PDE4D: variants seen among roughly 807,000 people sequenced by gnomAD.
The protein encoded by PDE4D is 3',5'-cyclic-AMP phosphodiesterase 4D.
PDE4D carries 24 observed loss-of-function variants against 87.4 expected under a neutral mutation model. That is an observed-to-expected ratio of 0.27 (90% CI 0.20 to 0.39). PDE4D has a LOEUF of 0.39. PDE4D is among the 10% of genes least tolerant of loss of function. The pLI is 1.00. For synonymous variants in PDE4D, 384 were observed against 383.2 expected, an observed-to-expected ratio of 1.00 and a Z score of -0.02; for missense variants, 714 against 1,041.0, an observed-to-expected ratio of 0.69 and a Z score of 4.32.
intron 1 of PDE4D, among the ~76,000 whole-genome samples, chr5:59,574,237 TAA>T (rs1822742800): frequency 6.9e-6 from 1 of 144,126 alleles, no homozygotes; most frequent in South Asian, 2.1e-4. Flanking sequence ...TTTGTAAAGG[TAA>T]TATATATATA....
intron 1 of PDE4D, among the ~76,000 whole-genome samples, chr5:59,282,625 A>C (rs1015638591): frequency 3.5e-4 from 51 of 147,152 alleles, no homozygotes; most frequent in African/African-American, 1.3e-3. Flanking sequence ...CCTGGGCGAC[A>C]AGAGTGAAAC....
intron 1 of PDE4D, among the ~76,000 whole-genome samples, chr5:60,225,617 C>T (rs1000346391): frequency 6.6e-6 from 1 of 152,078 alleles, no homozygotes; most frequent in African/African-American, 2.4e-5. Flanking sequence ...CTGAATTGCT[C>T]AACCTGCAAA....
At chr5:60,001,028 T>C (rs1368264041) in intron 2 of PDE4D, among the ~76,000 whole-genome samples, 1 of 152,148 alleles carries the variant, frequency 6.6e-6, no homozygotes, top group Non-Finnish European at 1.5e-5. Context: ...TCCCCAGAGA[T>C]GTATGCCCAT....
intron 1 of PDE4D, among the ~76,000 whole-genome samples, chr5:59,249,422 A>C (rs1454611321): frequency 1.3e-5 from 2 of 152,168 alleles, no homozygotes; most frequent in African/African-American, 4.8e-5. Context: ...TAATAGTCTT[A>C]AAATAGTCAT....
chr5:60,098,770 T>A (rs912118027), intron 2 of PDE4D, among the ~76,000 whole-genome samples: 5 of 152,076 alleles, frequency 3.3e-5, no homozygotes, highest in Non-Finnish European at 7.4e-5. Flanking sequence ...TTCCATTTCT[T>A]GCCTAGTGGC....
chr5:59,027,664 A>T (rs541197931), intron 6 of PDE4D, among the ~76,000 whole-genome samples: 1 of 151,510 alleles, frequency 6.6e-6, no homozygotes, highest in Non-Finnish European at 1.5e-5. Flanking sequence ...TGCTCTTGCA[A>T]CTCTTCAGTA....
At chr5:59,758,167 G>A (rs1761516577) in intron 1 of PDE4D, among the ~76,000 whole-genome samples, 1 of 152,170 alleles carries the variant, frequency 6.6e-6, no homozygotes, top group African/African-American at 2.4e-5. Flanking sequence ...AATGCTATTG[G>A]TTTCATAGCT....
chr5:59,318,570 G>C (rs933962398), intron 1 of PDE4D, among the ~76,000 whole-genome samples: 1 of 149,774 alleles, frequency 6.7e-6, no homozygotes, highest in African/African-American at 2.5e-5. Flanking sequence ...TTAAAAAAAG[G>C]GTTCTGAAAG....
intron 2 of PDE4D, among the ~76,000 whole-genome samples, chr5:60,046,349 A>G (rs1402039836): frequency 6.6e-6 from 1 of 152,074 alleles, no homozygotes; most frequent in African/African-American, 2.4e-5. Context: ...CTAATTGAAT[A>G]CCCTTTATTT....
chr5:59,746,816 CAT>C (rs1759678054), intron 1 of PDE4D, among the ~76,000 whole-genome samples: 1 of 152,064 alleles, frequency 6.6e-6, no homozygotes, highest in Admixed American at 6.6e-5. Context: ...TTTCCTTCCA[CAT>C]GTTTGTACCT....
At chr5:59,642,995 A>G (rs977575018) in intron 1 of PDE4D, among the ~76,000 whole-genome samples, 1 of 152,322 alleles carries the variant, frequency 6.6e-6, no homozygotes, top group Middle Eastern at 3.4e-3. Context: ...AAAGTAAATA[A>G]AGTCACTATA....
At chr5:60,423,607 C>G (rs888795174) in intron 1 of PDE4D, among the ~76,000 whole-genome samples, 30 of 151,844 alleles carry the variant, frequency 2.0e-4, no homozygotes, top group African/African-American at 7.2e-4. Context: ...GATCTAAAAT[C>G]GACACCTTAA....
intron 1 of PDE4D, among the ~76,000 whole-genome samples, chr5:59,289,371 C>A (rs1302508969): frequency 6.6e-6 from 1 of 151,542 alleles, no homozygotes; most frequent in Non-Finnish European, 1.5e-5. Flanking sequence ...AAATAAAAAG[C>A]AAAAAATTAA....
rs1316810728 is a variant in PDE4D, at chr5:58,975,447, AAT to A, written c.2013+208_2013+209del. ...TAAATGAATATAGTCATAATAAATG[AAT>A]ATGTCTTTAGAATATATATATGACT... On this transcript the variant is annotated intron_variant, in intron 14 of 14. Coordinates refer to ENST00000340635, the MANE Select transcript of PDE4D (RefSeq NM_001104631.2). The surrounding 1 kb of genome is among the most constrained non-coding windows in gnomAD (Gnocchi z 4.2). Among the ~76,000 whole-genome samples, 6 of 152,234 alleles carry A rather than the reference AAT, an allele frequency of 3.9e-5. No individual in the cohort carries two copies. The highest frequency in any genetic ancestry group is 7.3e-5 in the Non-Finnish European group (5 of 68,040).
At chr5:60,053,527 T>C (rs1351767624) in intron 2 of PDE4D, among the ~76,000 whole-genome samples, 2 of 152,134 alleles carry the variant, frequency 1.3e-5, no homozygotes, top group African/African-American at 2.4e-5. Context: ...TTACAACTTA[T>C]ACAAAAATTA....
Position 58,971,525 on chromosome 5 carries a change from GAAA to G in PDE4D, c.*3136_*3138del, listed in dbSNP as rs559808475. The G allele has an allele frequency of 6.6e-6, 1 of 152,094 alleles. No individual in the cohort carries two copies. Among genetic ancestry groups the G allele is most frequent in the African/African-American group, 2.4e-5 (1 of 41,306 alleles). The allele number at this position is 152,094 out of a possible 1,614,324, so 9.4% of individuals were successfully genotyped here. A position where few individuals can be genotyped will look rare whatever the true frequency, so the allele number is the denominator to read the frequency against. Reference sequence around the variant, plus strand: ...TATTACAGGTAAGGTCATTTGGTGAGAAAAAAAATGCATGGCACAAAAAATAAA... The same window carrying G: ...TATTACAGGTAAGGTCATTTGGTGAGAAAAATGCATGGCACAAAAAATAAA... On this transcript the variant is annotated 3_prime_UTR_variant, in exon 15 of 15. Coordinates refer to ENST00000340635, the MANE Select transcript of PDE4D (RefSeq NM_001104631.2).
intron 1 of PDE4D, among the ~76,000 whole-genome samples, chr5:59,856,455 C>T (rs1745456758): frequency 6.6e-6 from 1 of 152,150 alleles, no homozygotes; most frequent in Non-Finnish European, 1.5e-5. Flanking sequence ...AAATCTCCCA[C>T]ACATCAATGG....
rs1264485369 is a variant in PDE4D at position 59,716,908 on chromosome 5, C to T, written c.455+176260G>A. Among the ~76,000 whole-genome samples the T allele has an allele frequency of 4.6e-5, 7 of 152,160 alleles. No homozygotes were observed. In the East Asian group the frequency reaches 5.8e-4, roughly 13 times the overall value. ...ACACACCAGAAACTCCAGGAAATCA[C>T]GACAGCTGTACACTCTAATTTTGGA... On this transcript the variant is annotated intron_variant, in intron 1 of 14. Coordinates refer to ENST00000340635, the MANE Select transcript of PDE4D (RefSeq NM_001104631.2).
chr5:59,022,168 C>T lies in PDE4D; in HGVS notation c.921+16691G>A, dbSNP rs79264460. Among the ~76,000 whole-genome samples the T allele has an allele frequency of 7.5e-3, 1,144 of 152,264 alleles. 17 individuals are homozygous for T. The highest frequency in any genetic ancestry group is 0.026 in the African/African-American group (1,065 of 41,538). ...CTGTTCTTCCTTAAACATTTACATC[C>T]GCCACTGACCTGTCTGGGATTTCTT... On this transcript the variant is annotated intron_variant, in intron 6 of 14. Coordinates refer to ENST00000340635, the MANE Select transcript of PDE4D (RefSeq NM_001104631.2).
Sources: allele counts gnomAD v4.1 joint callset (sites outside exome capture counted in the v4.1 genomes callset), GRCh38; gene constraint gnomAD v4.1.1; non-coding constraint Gnocchi (gnomAD v3.1); transcripts MANE v1.5; gene names NCBI Gene and HGNC (gene_info 2026-07-23, HGNC 2026-07-21).